The following SGCZ variants were observed in gnomAD, a reference collection of about 807,000 sequenced individuals.
SGCZ encodes zeta-sarcoglycan.
Under a neutral mutation model 41.3 loss-of-function variants are expected in SGCZ, and 40 were observed. The observed-to-expected ratio is 0.97, with a 90% CI of 0.75 to 1.26. The LOEUF (loss-of-function observed/expected upper bound fraction) is 1.26, where lower values mean the gene tolerates loss of function less well. SGCZ is among the 50% of genes most tolerant of loss of function. The pLI, the probability that SGCZ is intolerant of heterozygous loss-of-function variation, is 0.00. For synonymous variants in SGCZ, 206 were observed against 137.5 expected, an observed-to-expected ratio of 1.50 and a Z score of -3.49; for missense variants, 552 against 369.8, an observed-to-expected ratio of 1.49 and a Z score of -4.04.
At chr8:14,586,697 T>C (rs914171755) in intron 1 of SGCZ, among the ~76,000 whole-genome samples, 4 of 152,210 alleles carry the variant, frequency 2.6e-5, no homozygotes, top group African/African-American at 4.8e-5. Context: ...AAACTGCATG[T>C]TTAAGTGGAT....
At chr8:14,731,998 C>A (rs1269253125) in intron 1 of SGCZ, among the ~76,000 whole-genome samples, 10 of 152,120 alleles carry the variant, frequency 6.6e-5, no homozygotes, top group Admixed American at 6.6e-4. Context: ...TTAAAGGAAA[C>A]CAGGAGTTAA....
intron 2 of SGCZ, among the ~76,000 whole-genome samples, chr8:14,372,529 G>A (rs1321442955): frequency 6.6e-6 from 1 of 152,106 alleles, no homozygotes; most frequent in Non-Finnish European, 1.5e-5. Context: ...CTGGTAAAAA[G>A]GGCCATGAAT....
At chr8:14,312,004 A>T (rs1011159408) in intron 3 of SGCZ, among the ~76,000 whole-genome samples, 1 of 152,204 alleles carries the variant, frequency 6.6e-6, no homozygotes, top group African/African-American at 2.4e-5. Flanking sequence ...CACTGGAAAC[A>T]AAATATCTTG....
intron 2 of SGCZ, among the ~76,000 whole-genome samples, chr8:14,474,106 T>G (rs1182176718): frequency 1.3e-5 from 2 of 152,266 alleles, no homozygotes; most frequent in Non-Finnish European, 2.9e-5. Flanking sequence ...ATCTTTCTAT[T>G]GATGAATGGC....
At chr8:14,243,883 T>G (rs1377778917) in intron 3 of SGCZ, among the ~76,000 whole-genome samples, 1 of 152,208 alleles carries the variant, frequency 6.6e-6, no homozygotes, top group Non-Finnish European at 1.5e-5. Context: ...TTACTTTGTT[T>G]TAATCATTCA....
chr8:14,603,831 G>A (rs938770572), intron 1 of SGCZ, among the ~76,000 whole-genome samples: 2 of 151,848 alleles, frequency 1.3e-5, no homozygotes, highest in African/African-American at 4.8e-5. Flanking sequence ...TCTTTGTTTT[G>A]CACTCCTCAG....
chr8:14,470,489 TAA>T (rs916297999), intron 2 of SGCZ, among the ~76,000 whole-genome samples: 6 of 152,080 alleles, frequency 3.9e-5, no homozygotes, highest in Admixed American at 3.3e-4. Flanking sequence ...AGTCACAACT[TAA>T]AAAAATAGCA....
At chr8:14,335,710 C>A (rs1181121899) in intron 2 of SGCZ, among the ~76,000 whole-genome samples, 1 of 152,026 alleles carries the variant, frequency 6.6e-6, no homozygotes, top group Non-Finnish European at 1.5e-5. Flanking sequence ...ACAAATCTTG[C>A]TGAAGATATC....
chr8:14,936,673 A>C (rs933378639), intron 1 of SGCZ, among the ~76,000 whole-genome samples: 1 of 151,938 alleles, frequency 6.6e-6, no homozygotes, highest in African/African-American at 2.4e-5. Flanking sequence ...ATAGACCACA[A>C]ACAGAGGCTA....
intron 3 of SGCZ, among the ~76,000 whole-genome samples, chr8:14,263,027 G>C (rs541279863): frequency 6.6e-6 from 1 of 152,128 alleles, no homozygotes; most frequent in South Asian, 2.1e-4. Flanking sequence ...TTTAAACTAT[G>C]CATTTCCTGA....
At chr8:14,219,883 G>T (rs140383065) in intron 4 of SGCZ, among the ~76,000 whole-genome samples, 283 of 152,176 alleles carry the variant, frequency 1.9e-3, no homozygotes, top group Middle Eastern at 6.8e-3. Flanking sequence ...TCTACAACCA[G>T]TAGGATGCAG....
chr8:15,037,879 G>A (rs1803928581), intron 1 of SGCZ, among the ~76,000 whole-genome samples: 1 of 151,986 alleles, frequency 6.6e-6, no homozygotes, highest in Admixed American at 6.5e-5. Context: ...ATTTATAATG[G>A]CTCAAGAAAC....
At chr8:15,035,893 A>G (rs1803857968) in intron 1 of SGCZ, among the ~76,000 whole-genome samples, 1 of 152,126 alleles carries the variant, frequency 6.6e-6, no homozygotes, top group South Asian at 2.1e-4. Context: ...CAGCATGAGA[A>G]CTTTAATATT....
chr8:14,934,785 C>T (rs1418684811), intron 1 of SGCZ, among the ~76,000 whole-genome samples: 1 of 150,784 alleles, frequency 6.6e-6, no homozygotes, highest in Non-Finnish European at 1.5e-5. Context: ...AAACTAAAAA[C>T]AAAAAAGGCA....
At chr8:14,260,789 C>T (rs187057964) in intron 3 of SGCZ, among the ~76,000 whole-genome samples, 13 of 152,236 alleles carry the variant, frequency 8.5e-5, no homozygotes, top group African/African-American at 2.9e-4. Flanking sequence ...GAGTTCATGT[C>T]CTTTGTAGGG....
At chr8:15,004,956 T>C (rs904900181) in intron 1 of SGCZ, among the ~76,000 whole-genome samples, 3 of 152,146 alleles carry the variant, frequency 2.0e-5, no homozygotes, top group African/African-American at 7.2e-5. Flanking sequence ...TGAGGTGGTA[T>C]CTATGCATGT....
intron 1 of SGCZ, among the ~76,000 whole-genome samples, chr8:14,893,336 A>C (rs1466884881): frequency 6.6e-6 from 1 of 152,192 alleles, no homozygotes; most frequent in Admixed American, 6.6e-5. Context: ...TCCAGAAAGA[A>C]AACAGCCCTG....
intron 1 of SGCZ, among the ~76,000 whole-genome samples, chr8:14,839,800 A>G (rs993218790): frequency 6.6e-6 from 1 of 152,134 alleles, no homozygotes; most frequent in East Asian, 1.9e-4. Flanking sequence ...ACAAACATTT[A>G]GTTATTTATG....
chr8:15,113,341 CTATT>C (rs1807143302), intron 1 of SGCZ, among the ~76,000 whole-genome samples: 1 of 152,158 alleles, frequency 6.6e-6, no homozygotes, highest in Non-Finnish European at 1.5e-5. Context: ...TTGAAGTTCT[CTATT>C]CATCTATAAA....
Sources: gnomAD v4.1 joint callset for allele counts (sites outside exome capture counted in the v4.1 genomes callset) on GRCh38, gnomAD v4.1.1 for gene constraint, MANE v1.5 for transcripts, NCBI Gene and HGNC (gene_info 2026-07-23, HGNC 2026-07-21) for gene names.